The following RPRD1A variants were observed in gnomAD, a reference collection of about 807,000 sequenced individuals.
The protein encoded by RPRD1A is regulation of nuclear pre-mRNA domain-containing protein 1A.
In RPRD1A, 9 loss-of-function variants were observed where a neutral mutation model predicts 37.8. The ratio of observed to expected loss-of-function variants is 0.24; its 90% confidence interval spans 0.14 to 0.42. The LOEUF is 0.42. Among genes scored for constraint, RPRD1A ranks in the 10% least tolerant of loss-of-function variants. RPRD1A has a pLI of 1.00. For synonymous variants in RPRD1A, 138 were observed against 139.7 expected (o/e 0.99, Z 0.08); for missense variants, 255 against 371.0 (o/e 0.69, Z 2.57).
At chr18:36,018,339 T>G (rs1910749193) in intron 6 of RPRD1A, among the ~76,000 whole-genome samples, 1 of 151,088 alleles carries the variant, frequency 6.6e-6, no homozygotes, top group African/African-American at 2.4e-5. Context: ...AGTGGCGCAA[T>G]CTCGGCTCAC....
intron 4 of RPRD1A, among the ~76,000 whole-genome samples, chr18:36,029,356 CTGTGAGTTCCTGTTGCCCT>C (rs1201986597): frequency 1.3e-5 from 2 of 152,168 alleles, no homozygotes; most frequent in African/African-American, 4.8e-5. Flanking sequence ...CCACGGAGCA[CTGTGAGTTCCTGTTGCCCT>C]TGTGAGTTCC....
intron 6 of RPRD1A, among the ~76,000 whole-genome samples, chr18:36,020,712 C>T (rs943027828): frequency 6.6e-6 from 1 of 151,954 alleles, no homozygotes; most frequent in Non-Finnish European, 1.5e-5. Flanking sequence ...CACTTGTAGT[C>T]CTAGCTACTT....
At chr18:36,057,051 CA>C (rs35428437) in intron 1 of RPRD1A, among the ~76,000 whole-genome samples, 7,625 of 44,254 alleles carry the variant, frequency 0.17, 103 homozygotes, top group East Asian at 0.27. Flanking sequence ...CCTGTTTCTA[CA>C]AAAAAAAAAA....
chr18:36,016,476 G>A (rs969435544), intron 6 of RPRD1A, among the ~76,000 whole-genome samples: 7 of 152,172 alleles, frequency 4.6e-5, no homozygotes, highest in Non-Finnish European at 7.4e-5. Context: ...GCCCGCCTCG[G>A]CTTCCCATAG....
At chr18:35,997,487 A>G (rs1189550282) in intron 6 of RPRD1A, among the ~76,000 whole-genome samples, 2 of 150,846 alleles carry the variant, frequency 1.3e-5, no homozygotes, top group African/African-American at 5.0e-5. Flanking sequence ...AACATTCATA[A>G]GCAAAACATT....
chr18:36,008,920 G>A (rs1456838614), intron 6 of RPRD1A, among the ~76,000 whole-genome samples: 1 of 151,982 alleles, frequency 6.6e-6, no homozygotes, highest in African/African-American at 2.4e-5. Flanking sequence ...TTACTTTGCT[G>A]ATAAGAAGTG....
At chr18:36,004,567 G>A (rs543105729) in intron 6 of RPRD1A, among the ~76,000 whole-genome samples, 29 of 152,064 alleles carry the variant, frequency 1.9e-4, no homozygotes, top group Non-Finnish European at 4.1e-4. Flanking sequence ...TATTCTTTTC[G>A]GTAACCCACT....
chr18:36,050,538 ACACTT>A (rs1913308099), intron 1 of RPRD1A, among the ~76,000 whole-genome samples: 1 of 152,184 alleles, frequency 6.6e-6, no homozygotes, highest in Non-Finnish European at 1.5e-5. Flanking sequence ...AAAAAAAACT[ACACTT>A]CAACAAAAAA....
intron 6 of RPRD1A, among the ~76,000 whole-genome samples, chr18:36,019,404 GC>G (rs1003202251): frequency 5.9e-5 from 9 of 152,150 alleles, no homozygotes; most frequent in African/African-American, 2.2e-4. Context: ...ACCGCGCCTG[GC>G]CCATTGATGA....
chr18:36,054,176 T>C (rs1042419100), intron 1 of RPRD1A, among the ~76,000 whole-genome samples: 20 of 134,330 alleles, frequency 1.5e-4, no homozygotes, highest in African/African-American at 4.6e-4. Flanking sequence ...CCCACACTAA[T>C]TGATTTACCG....
intron 6 of RPRD1A, among the ~76,000 whole-genome samples, chr18:36,018,334 C>T (rs1377288699): frequency 6.7e-6 from 1 of 150,190 alleles, no homozygotes; most frequent in Non-Finnish European, 1.5e-5. Flanking sequence ...AGTGCAGTGG[C>T]GCAATCTCGG....
At chr18:36,067,147 G>A (rs2089047501) in intron 1 of RPRD1A, 107 bp downstream of exon 1, 16 of 1,262,760 alleles carry the variant, frequency 1.3e-5, no homozygotes, top group Admixed American at 2.5e-5. Flanking sequence ...ACCGCGCGCT[G>A]GCATCCCGAC....
Position 36,030,891 on chromosome 18 carries a change from GCTT to G in RPRD1A, c.400_402del (p.Lys134del), listed in dbSNP as rs1911732483. The G allele has an allele frequency of 3.1e-6, 5 of 1,611,656 alleles. No homozygotes were observed. The highest frequency in any genetic ancestry group is 4.2e-6 in the Non-Finnish European group (5 of 1,178,598). ...ATCTGTTCATAAGTTCGCTTCCTAG[GCTT>G]CTTATCACCATCTGAAATGAAAGAA... On this transcript the variant is annotated inframe_deletion, in exon 4 of 7. Coordinates refer to ENST00000399022, the MANE Select transcript of RPRD1A (RefSeq NM_018170.5).
rs1908681577 is a variant in RPRD1A, at chr18:35,990,854, G to A, written c.*2297C>T. The A allele has an allele frequency of 6.6e-6, 1 of 152,152 alleles. No individual in the cohort carries two copies. Among genetic ancestry groups the A allele is most frequent in the African/African-American group, 2.4e-5 (1 of 41,444 alleles). The allele number at this position is 152,152 out of a possible 1,614,324, so 9.4% of individuals were successfully genotyped here. A position where few individuals can be genotyped will look rare whatever the true frequency, so the allele number is the denominator to read the frequency against. On this transcript the variant is annotated 3_prime_UTR_variant, in exon 7 of 7. Coordinates refer to ENST00000399022, the MANE Select transcript of RPRD1A (RefSeq NM_018170.5). ...TTACCATGTTAATTATCACACGGCT[G>A]AAAAGATGACTTCTAAATCAGACTG... is the stretch of plus-strand genomic sequence containing the variant.
chr18:36,014,603 T>C (rs1480359933), intron 6 of RPRD1A, among the ~76,000 whole-genome samples: 1 of 151,822 alleles, frequency 6.6e-6, no homozygotes, highest in Non-Finnish European at 1.5e-5. Flanking sequence ...ATTAGCCGGG[T>C]GTGGTGGCGG....
chr18:36,025,717 TA>T (rs1196700776), intron 6 of RPRD1A: 1 of 1,141,560 alleles, frequency 8.8e-7, no homozygotes, highest in Non-Finnish European at 1.1e-6. Flanking sequence ...GAAACCATAC[TA>T]AAAGACTAAA....
intron 6 of RPRD1A, among the ~76,000 whole-genome samples, chr18:36,010,329 A>G (rs1238409653): frequency 6.6e-6 from 1 of 151,864 alleles, no homozygotes. Context: ...AATAAAAATA[A>G]AAATAAAAAA....
chr18:35,996,093 G>T (rs139354039), intron 6 of RPRD1A, among the ~76,000 whole-genome samples: 1 of 152,254 alleles, frequency 6.6e-6, no homozygotes, highest in African/African-American at 2.4e-5. Context: ...AAGAAAATCT[G>T]AATAAAGTGT....
chr18:35,993,948 G>A (rs373088784), intron 6 of RPRD1A, among the ~76,000 whole-genome samples: 1 of 152,136 alleles, frequency 6.6e-6, no homozygotes, highest in Non-Finnish European at 1.5e-5. Context: ...ATGCGTGGAG[G>A]ACTGAGAATA....
Sources: allele counts gnomAD v4.1 joint callset (sites outside exome capture counted in the v4.1 genomes callset), GRCh38; gene constraint gnomAD v4.1.1; transcripts MANE v1.5; gene names NCBI Gene and HGNC (gene_info 2026-07-23, HGNC 2026-07-21).